ROCK1: variants seen among roughly 807,000 people sequenced by gnomAD.
ROCK1 encodes Rho associated coiled-coil containing protein kinase 1.
Under a neutral mutation model 196.8 loss-of-function variants are expected in ROCK1, and 36 were observed. The ratio of observed to expected loss-of-function variants is 0.18; its 90% CI spans 0.14 to 0.24. ROCK1 has a LOEUF of 0.24. Among genes scored for constraint, ROCK1 ranks in the 10% least tolerant of loss-of-function variants. The pLI is 1.00. For synonymous variants in ROCK1, 443 were observed against 515.9 expected (o/e 0.86, Z 1.91); for missense variants, 920 against 1,562.0 (o/e 0.59, Z 6.93).
intron 25 of ROCK1, among the ~76,000 whole-genome samples, chr18:20,968,254 TTCTACAAC>T (rs1486480213): frequency 6.6e-6 from 1 of 152,180 alleles, no homozygotes; most frequent in Non-Finnish European, 1.5e-5. Flanking sequence ...TACTCTTATC[TTCTACAAC>T]TATACAATAT....
At chr18:21,076,672 T>TAC (rs112541303) in intron 1 of ROCK1, among the ~76,000 whole-genome samples, 2,474 of 146,242 alleles carry the variant, frequency 0.017, 49 homozygotes, top group African/African-American at 0.051. Flanking sequence ...TCTTGGTACA[T>TAC]ACACACACAC....
intron 13 of ROCK1, among the ~76,000 whole-genome samples, chr18:21,012,115 T>TA (rs1408468301): frequency 6.6e-6 from 1 of 151,896 alleles, no homozygotes; most frequent in Non-Finnish European, 1.5e-5. Flanking sequence ...ACTTGGCTAA[T>TA]TTTTTTTGTA....
intron 26 of ROCK1, among the ~76,000 whole-genome samples, 192 bp from the exon 27 acceptor site, chr18:20,967,268 C>T (rs1170461837): frequency 6.6e-6 from 1 of 152,128 alleles, no homozygotes. Context: ...CGGACAAATT[C>T]CTTTTCTCCT....
chr18:21,034,775 A>G (rs1420783542), intron 9 of ROCK1, among the ~76,000 whole-genome samples: 2 of 152,224 alleles, frequency 1.3e-5, no homozygotes, highest in Non-Finnish European at 2.9e-5. Flanking sequence ...CAAGCAACAA[A>G]AGAAGAAATA....
rs1172142483 is a variant in ROCK1 at position 21,111,386 on chromosome 18, C to T, written c.-476G>A. On this transcript the variant is annotated 5_prime_UTR_variant, in exon 1 of 33. Coordinates refer to ENST00000399799, the MANE Select transcript of ROCK1 (RefSeq NM_005406.3). The surrounding 1 kb of genome is among the most constrained non-coding windows in gnomAD (Gnocchi z 4.2). ...AGCTGTGCCAGCTGCGGCCGCCGCT[C>T]GGGCCACGGGCCGGGCCCGCTCCGC... 1 of 404,402 alleles carries T rather than the reference C, an allele frequency of 2.5e-6. No homozygotes were observed. The allele number at this position is 404,402 out of a possible 1,614,324, so 25.1% of individuals were successfully genotyped here.
At chr18:21,060,233 C>T (rs1376405888) in intron 2 of ROCK1, among the ~76,000 whole-genome samples, 3 of 152,124 alleles carry the variant, frequency 2.0e-5, no homozygotes, top group Admixed American at 2.0e-4. Context: ...TTTAAAAAAT[C>T]AATCTTGAGT....
At chr18:21,087,477 G>C (rs1235828672) in intron 1 of ROCK1, among the ~76,000 whole-genome samples, 3 of 152,006 alleles carry the variant, frequency 2.0e-5, no homozygotes, top group African/African-American at 7.2e-5. Context: ...TAAAAGAATG[G>C]GAAATGATTT....
At chr18:21,083,699 T>C (rs2036501247) in intron 1 of ROCK1, among the ~76,000 whole-genome samples, 1 of 152,226 alleles carries the variant, frequency 6.6e-6, no homozygotes, top group African/African-American at 2.4e-5. Context: ...TAATATTTTC[T>C]TTTTGCTGGC....
chr18:21,027,339 T>C (rs1380551348), intron 10 of ROCK1, among the ~76,000 whole-genome samples: 1 of 152,230 alleles, frequency 6.6e-6, no homozygotes, highest in Non-Finnish European at 1.5e-5. Context: ...ATCTTATTCA[T>C]CCTTCTCCAT....
At chr18:21,110,201 G>A (rs925995619) in intron 1 of ROCK1, among the ~76,000 whole-genome samples, 2 of 152,098 alleles carry the variant, frequency 1.3e-5, no homozygotes, top group Non-Finnish European at 2.9e-5. Context: ...TGTATGGTAC[G>A]TACTTTTGTA....
intron 18 of ROCK1, among the ~76,000 whole-genome samples, chr18:20,990,082 AAAAT>A (rs888898521): frequency 6.6e-6 from 1 of 151,960 alleles, no homozygotes; most frequent in African/African-American, 2.4e-5. Flanking sequence ...TTCTCTACCA[AAAAT>A]AAATAATTTT....
At position 21,104,415 on chromosome 18, in the gene ROCK1, G is replaced by A. The variant is rs775167821; in HGVS notation, c.93+6403C>T. ...GATCGAGACCATCCTGGCTAACACG[G>A]TGAAACCCTGTCTCTACTAAAAATA... On this transcript the variant is annotated intron_variant, in intron 1 of 32. Transcript: ENST00000399799. Among the ~76,000 whole-genome samples, 23 of 152,204 alleles carry A rather than the reference G, an allele frequency of 1.5e-4. No individual in the cohort carries two copies. In the Middle Eastern group the frequency reaches 0.01, roughly 68 times the overall value.
At chr18:21,035,838 T>C (rs1416575589) in intron 9 of ROCK1, among the ~76,000 whole-genome samples, 4 of 152,176 alleles carry the variant, frequency 2.6e-5, no homozygotes, top group Non-Finnish European at 1.5e-5. Context: ...AATATTATAG[T>C]AATCTACTTA....
rs1414439265 is a variant in ROCK1, at chr18:20,961,717, C to T, written c.3353-1511G>A. ...GGTACGTAATGTCTCCACACCTTTG[C>T]TTGTGTTATTCCTCTTCATATAAAT... On this transcript the variant is annotated intron_variant, in intron 27 of 32. Transcript: ENST00000399799. Among the ~76,000 whole-genome samples the T allele has an allele frequency of 4.6e-5, 7 of 151,670 alleles. No homozygotes were observed. In the East Asian group the frequency reaches 1.4e-3, roughly 29 times the overall value.
intron 17 of ROCK1, 94 bp downstream of exon 17, chr18:20,992,737 T>A: frequency 1.4e-6 from 1 of 716,908 alleles, no homozygotes; most frequent in Non-Finnish European, 2.3e-6. Context: ...TATATAAACA[T>A]TAAGAATAAA....
intron 29 of ROCK1, among the ~76,000 whole-genome samples, chr18:20,959,082 A>C (rs2035289285): frequency 2.6e-5 from 1 of 38,026 alleles, no homozygotes; most frequent in South Asian, 6.5e-4. Context: ...TATAATATAT[A>C]TATTTTATAT....
Position 21,046,542 on chromosome 18 carries a change from A to G in ROCK1, c.415-1075T>C, listed in dbSNP as rs370346792. Among the ~76,000 whole-genome samples the G allele has an allele frequency of 4.6e-5, 7 of 152,360 alleles. No individual in the cohort carries two copies. The East Asian group carries it at 1.2e-3, about 25-fold the overall frequency. ...AGCAGTCAGGAGGAGGAGCAGTAATAGCTAACACAGAAGTAGGAGGAAGGC... is the reference window on the plus strand; with the variant it reads ...AGCAGTCAGGAGGAGGAGCAGTAATGGCTAACACAGAAGTAGGAGGAAGGC... On this transcript the variant is annotated intron_variant, in intron 4 of 32. Coordinates refer to ENST00000399799, the MANE Select transcript of ROCK1 (RefSeq NM_005406.3).
At chr18:21,061,197 G>A (rs538122140) in intron 2 of ROCK1, among the ~76,000 whole-genome samples, 6 of 151,460 alleles carry the variant, frequency 4.0e-5, no homozygotes, top group Non-Finnish European at 7.4e-5. Context: ...TCCTGCCTCA[G>A]CCTCCCAAGT....
At chr18:21,092,597 A>AAAAAAAAC (rs2036580619) in intron 1 of ROCK1, among the ~76,000 whole-genome samples, 1 of 151,690 alleles carries the variant, frequency 6.6e-6, no homozygotes, top group African/African-American at 2.4e-5. Context: ...AAAAAAAAAA[A>AAAAAAAAC]AAAAAAACCA....
Sources: allele counts gnomAD v4.1 joint callset (sites outside exome capture counted in the v4.1 genomes callset), GRCh38; gene constraint gnomAD v4.1.1; non-coding constraint Gnocchi (gnomAD v3.1); transcripts MANE v1.5; gene names NCBI Gene and HGNC (gene_info 2026-07-23, HGNC 2026-07-21).